The following BLTP3A variants were observed in gnomAD, a reference collection of about 807,000 sequenced individuals.
BLTP3A encodes bridge-like lipid transfer protein family member 3A, also known as ICBP90 binding protein 1.
At chr6:34,833,920 CAAAAAAAAAAAA>C in the BLTP3A span, among the ~76,000 whole-genome samples, 5 of 45,066 alleles carry the variant, frequency 1.1e-4, no homozygotes, top group South Asian at 3.6e-3. Flanking sequence ...GACTCCGTCT[CAAAAAAAAAAAA>C]AAAAAAAAAA....
At chr6:34,835,518 C>T in the BLTP3A span, 2 of 1,540,740 alleles carry the variant, frequency 1.3e-6, no homozygotes, top group African/African-American at 1.4e-5. Flanking sequence ...TAGGCCAGAC[C>T]TAACTCATAC....
the BLTP3A span, among the ~76,000 whole-genome samples, chr6:34,861,631 C>A: frequency 6.6e-6 from 1 of 152,192 alleles, no homozygotes; most frequent in African/African-American, 2.4e-5. Flanking sequence ...ATAATATCCA[C>A]AAATACTGTT....
At chr6:34,800,167 T>C in the BLTP3A span, among the ~76,000 whole-genome samples, 1 of 152,206 alleles carries the variant, frequency 6.6e-6, no homozygotes, top group Admixed American at 6.5e-5. Context: ...GGGTTAGGCC[T>C]TTAGAGGATT....
At chr6:34,803,342 ACT>A in the BLTP3A span, among the ~76,000 whole-genome samples, 385 of 151,622 alleles carry the variant, frequency 2.5e-3, no homozygotes, top group African/African-American at 8.8e-3. Flanking sequence ...GCTCTTGTAC[ACT>A]CTTTTTCCCT....
At chr6:34,820,690 G>A in the BLTP3A span, among the ~76,000 whole-genome samples, 18 of 147,948 alleles carry the variant, frequency 1.2e-4, no homozygotes, top group Non-Finnish European at 1.8e-4. Context: ...GTGTTTGTTT[G>A]TTTTTATAAT....
At chr6:34,803,604 A>G in the BLTP3A span, among the ~76,000 whole-genome samples, 1 of 152,222 alleles carries the variant, frequency 6.6e-6, no homozygotes, top group African/African-American at 2.4e-5. Flanking sequence ...CTAATTCAGA[A>G]TATGTCCTAC....
At chr6:34,852,667 A>G in the BLTP3A span, among the ~76,000 whole-genome samples, 1 of 151,302 alleles carries the variant, frequency 6.6e-6, no homozygotes. Flanking sequence ...TCCTTTGGCT[A>G]TCCCAGTTGG....
the BLTP3A span, chr6:34,871,878 A>G: frequency 1.2e-6 from 2 of 1,614,232 alleles, no homozygotes; most frequent in Non-Finnish European, 1.7e-6. Context: ...ACAGCCCCCA[A>G]AAGAACAGGT....
At chr6:34,796,557 A>G in the BLTP3A span, among the ~76,000 whole-genome samples, 6 of 152,222 alleles carry the variant, frequency 3.9e-5, no homozygotes, top group East Asian at 1.9e-4. Context: ...AAAATATTCA[A>G]AATTGATTTT....
chr6:34,873,642 G>C, the BLTP3A span: 1 of 151,996 alleles, frequency 6.6e-6, no homozygotes, highest in African/African-American at 2.4e-5. Flanking sequence ...TGATACACTT[G>C]AAGCTGTGTT....
chr6:34,822,869 T>G, the BLTP3A span, among the ~76,000 whole-genome samples: 17 of 148,648 alleles, frequency 1.1e-4, no homozygotes, highest in Admixed American at 7.4e-4. Flanking sequence ...AAAAAAAAAG[T>G]TTAGTTTGGG....
At chr6:34,798,594 C>A in the BLTP3A span, among the ~76,000 whole-genome samples, 1 of 94,500 alleles carries the variant, frequency 1.1e-5, no homozygotes, top group African/African-American at 4.8e-5. Context: ...TTCTTTCTTT[C>A]TTTTTTTTTT....
At chr6:34,812,082 A>G in the BLTP3A span, among the ~76,000 whole-genome samples, 1 of 151,882 alleles carries the variant, frequency 6.6e-6, no homozygotes, top group African/African-American at 2.4e-5. Flanking sequence ...TAATTCCAGC[A>G]CTTTGGGAGT....
chr6:34,845,664 T>C, the BLTP3A span, among the ~76,000 whole-genome samples: 1 of 151,878 alleles, frequency 6.6e-6, no homozygotes, highest in Admixed American at 6.6e-5. Flanking sequence ...TGGTACAATC[T>C]TGGCTCACTG....
At chr6:34,805,592 C>CA in the BLTP3A span, among the ~76,000 whole-genome samples, 640 of 96,046 alleles carry the variant, frequency 6.7e-3, 4 homozygotes, top group South Asian at 0.012. Context: ...GACTTGGTCT[C>CA]AAAAAAAAAA....
At chr6:34,842,358 A>T in the BLTP3A span, among the ~76,000 whole-genome samples, 1 of 152,356 alleles carries the variant, frequency 6.6e-6, no homozygotes, top group Non-Finnish European at 1.5e-5. Context: ...TTGTATAACG[A>T]TCTCAATAAT....
the BLTP3A span, among the ~76,000 whole-genome samples, chr6:34,823,091 G>A: frequency 1.3e-5 from 2 of 152,190 alleles, no homozygotes; most frequent in Non-Finnish European, 2.9e-5. Context: ...TTGCATTTTA[G>A]TTTGTTCATT....
chr6:34,801,376 T>C, the BLTP3A span, among the ~76,000 whole-genome samples: 1 of 152,194 alleles, frequency 6.6e-6, no homozygotes, highest in East Asian at 1.9e-4. Flanking sequence ...TGGGTCTTGG[T>C]TGTTAGGGAA....
At chr6:34,808,734 C>A in the BLTP3A span, among the ~76,000 whole-genome samples, 2 of 152,188 alleles carry the variant, frequency 1.3e-5, no homozygotes, top group East Asian at 3.9e-4. Flanking sequence ...CAGGTGCATG[C>A]CACCATGCCT....
Sources: allele counts gnomAD v4.1 joint callset (sites outside exome capture counted in the v4.1 genomes callset), GRCh38; gene constraint gnomAD v4.1.1; transcripts MANE v1.5; gene names NCBI Gene and HGNC (gene_info 2026-07-23, HGNC 2026-07-21).